The following TLN2 variants were observed in gnomAD, a reference collection of about 807,000 sequenced individuals.
The protein encoded by TLN2 is talin-2.
A neutral mutation model predicts 294.7 loss-of-function variants in TLN2; 118 were observed. The ratio of observed to expected loss-of-function variants is 0.40; its 90% CI spans 0.34 to 0.47. The LOEUF (loss-of-function observed/expected upper bound fraction) is 0.47. Ranked by LOEUF, TLN2 falls within the 20% of genes least tolerant of loss-of-function variation. The pLI is 0.84. For synonymous variants in TLN2, 1,431 were observed against 1,304.5 expected (o/e 1.10, Z -2.09); for missense variants, 3,083 against 3,282.2 (o/e 0.94, Z 1.48).
At chr15:62,533,306 A>T (rs1215865822) in intron 1 of TLN2, among the ~76,000 whole-genome samples, 1 of 150,618 alleles carries the variant, frequency 6.6e-6, no homozygotes, top group Non-Finnish European at 1.5e-5. Flanking sequence ...GAATGGGATC[A>T]TCTTCAGTGA....
intron 9 of TLN2, among the ~76,000 whole-genome samples, chr15:62,667,175 C>G (rs551420450): frequency 6.6e-6 from 1 of 152,082 alleles, no homozygotes; most frequent in Non-Finnish European, 1.5e-5. Context: ...ACCATGTTAG[C>G]CAGGATGGTC....
chr15:62,463,571 G>T (rs1448655151), intron 1 of TLN2, among the ~76,000 whole-genome samples: 3 of 152,162 alleles, frequency 2.0e-5, no homozygotes, highest in Non-Finnish European at 2.9e-5. Flanking sequence ...TCTCACGCCA[G>T]TTAGAATGGC....
At chr15:62,772,130 A>T (rs987164919) in intron 42 of TLN2, among the ~76,000 whole-genome samples, 10 of 152,040 alleles carry the variant, frequency 6.6e-5, no homozygotes, top group African/African-American at 2.4e-4. Flanking sequence ...TTACTTAATA[A>T]GTTAATTAGA....
intron 2 of TLN2, among the ~76,000 whole-genome samples, chr15:62,607,730 C>A (rs1005268526): frequency 2.6e-5 from 4 of 151,930 alleles, no homozygotes; most frequent in African/African-American, 7.3e-5. Flanking sequence ...CCCACTTCCC[C>A]GCTCTTTTTT....
chr15:62,621,997 T>G (rs1204151958), intron 3 of TLN2, among the ~76,000 whole-genome samples: 2 of 151,860 alleles, frequency 1.3e-5, no homozygotes, highest in Non-Finnish European at 2.9e-5. Flanking sequence ...CTTGCTGGTA[T>G]CCAGTAGAAA....
At chr15:62,569,922 C>T (rs774764801) in intron 1 of TLN2, among the ~76,000 whole-genome samples, 6 of 152,156 alleles carry the variant, frequency 3.9e-5, no homozygotes, top group Non-Finnish European at 7.3e-5. Context: ...TTTAAAGCTA[C>T]AGTTGATGAA....
intron 1 of TLN2, among the ~76,000 whole-genome samples, chr15:62,416,576 A>G (rs1011457408): frequency 6.6e-6 from 1 of 152,168 alleles, no homozygotes; most frequent in East Asian, 1.9e-4. Flanking sequence ...AGGGTTTGCA[A>G]TTTGGAGTCA....
chr15:62,745,908 A>G (rs1048264946), intron 32 of TLN2, among the ~76,000 whole-genome samples: 1 of 152,230 alleles, frequency 6.6e-6, no homozygotes, highest in Non-Finnish European at 1.5e-5. Flanking sequence ...TTAGTTCTGG[A>G]TCAGTATTAC....
chr15:62,536,810 A>G lies in TLN2; in HGVS notation c.-237-52877A>G, dbSNP rs575695629. On this transcript the variant is annotated intron_variant, in intron 1 of 58. Transcript: ENST00000636159. ...GTTTTAGTAGACATGGAATAATTGTACATGTTTATAGGATACAGAGTCATA... is the reference window on the plus strand; with the variant it reads ...GTTTTAGTAGACATGGAATAATTGTGCATGTTTATAGGATACAGAGTCATA... 1.2e-4 allele frequency among the ~76,000 whole-genome samples: 18 copies of G among 152,340 alleles called. No homozygotes were observed. In the East Asian group the frequency reaches 3.5e-3, roughly 29 times the overall value.
Position 62,805,618 on chromosome 15 carries a change from G to C in TLN2, c.6496G>C (p.Val2166Leu). Reference sequence around the variant, plus strand: ...CTTCCAGGTGTTCCAGTCAAAAGACGTACCTGAAAAGACATCATCACCTGA... The same window carrying C: ...CTTCCAGGTGTTCCAGTCAAAAGACCTACCTGAAAAGACATCATCACCTGA... ...QELTVFQSKD[V>L]PEKTSSPEES... The change falls in exon 51 of 59, where the codon GTA becomes CTA. Residue 2166 changes from valine to leucine, a missense_variant. Coordinates refer to ENST00000636159, the MANE Select transcript of TLN2 (RefSeq NM_015059.3). 1 of 1,606,086 alleles carries C rather than the reference G, an allele frequency of 6.2e-7. No homozygotes were observed. Among genetic ancestry groups the C allele is most frequent in the Non-Finnish European group, 8.5e-7 (1 of 1,174,692 alleles).
intron 1 of TLN2, among the ~76,000 whole-genome samples, chr15:62,575,862 C>T (rs1206023992): frequency 1.3e-5 from 2 of 152,200 alleles, no homozygotes; most frequent in African/African-American, 2.4e-5. Context: ...CCCAGCCCTC[C>T]CTGCCTTGCG....
At chr15:62,710,512 T>C (rs2141126603) in intron 21 of TLN2, among the ~76,000 whole-genome samples, 1 of 152,316 alleles carries the variant, frequency 6.6e-6, no homozygotes, top group South Asian at 2.1e-4. Flanking sequence ...GACAATCCTT[T>C]TATTTTGAAA....
intron 1 of TLN2, among the ~76,000 whole-genome samples, chr15:62,412,516 C>G (rs1020962275): frequency 6.6e-6 from 1 of 152,194 alleles, no homozygotes; most frequent in Non-Finnish European, 1.5e-5. Context: ...TTTGGCACGA[C>G]TGGGACCACC....
At chr15:62,637,229 C>T (rs1208153344) in intron 3 of TLN2, 4 of 152,114 alleles carry the variant, frequency 2.6e-5, no homozygotes, top group Admixed American at 2.0e-4. Flanking sequence ...TGGAGCTGAC[C>T]TTTTACATTT....
intron 1 of TLN2, among the ~76,000 whole-genome samples, chr15:62,542,433 AC>A (rs1473586756): frequency 1.3e-5 from 2 of 152,020 alleles, no homozygotes; most frequent in African/African-American, 4.8e-5. Context: ...CTCTTGATCC[AC>A]CTGCCTTGGC....
chr15:62,746,162 A>G (rs2061597862), intron 32 of TLN2, among the ~76,000 whole-genome samples: 2 of 152,216 alleles, frequency 1.3e-5, no homozygotes, highest in Non-Finnish European at 2.9e-5. Context: ...AGGTTTTTTA[A>G]AAAACACAGA....
chr15:62,817,552 G>A (rs896957558), intron 52 of TLN2, among the ~76,000 whole-genome samples: 2 of 152,200 alleles, frequency 1.3e-5, no homozygotes, highest in Non-Finnish European at 2.9e-5. Flanking sequence ...AATGTCATCT[G>A]TACACTGCCG....
chr15:62,591,785 C>T (rs900801908), intron 2 of TLN2, among the ~76,000 whole-genome samples: 1 of 151,952 alleles, frequency 6.6e-6, no homozygotes, highest in African/African-American at 2.4e-5. Context: ...GTGTGGAGGT[C>T]GAGGGCACAG....
chr15:62,625,239 C>G (rs2049178113), intron 3 of TLN2, among the ~76,000 whole-genome samples: 1 of 152,094 alleles, frequency 6.6e-6, no homozygotes, highest in Non-Finnish European at 1.5e-5. Context: ...CCATGACCTA[C>G]TTTTCTGGTT....
Sources: allele counts gnomAD v4.1 joint callset (sites outside exome capture counted in the v4.1 genomes callset), GRCh38; gene constraint gnomAD v4.1.1; transcripts MANE v1.5; gene names NCBI Gene and HGNC (gene_info 2026-07-23, HGNC 2026-07-21).